PPIP5K2: variants seen among roughly 807,000 people sequenced by gnomAD.
PPIP5K2 encodes diphosphoinositol pentakisphosphate kinase 2.
Under a neutral mutation model 154.6 loss-of-function variants are expected in PPIP5K2, and 105 were observed. That is an observed-to-expected ratio of 0.68 (90% CI 0.58 to 0.80). The LOEUF (loss-of-function observed/expected upper bound fraction) is 0.80. PPIP5K2 is among the 30% of genes least tolerant of loss of function. PPIP5K2 has a pLI of 0.00. For synonymous variants in PPIP5K2, 480 were observed against 490.3 expected (o/e 0.98, Z 0.28); for missense variants, 992 against 1,504.6 (o/e 0.66, Z 5.64).
rs149010735 is a variant in PPIP5K2 at position 103,150,427 on chromosome 5, A to G, written c.907-826A>G. ...TTGGCCATTTTCTTCACCCAGATAAAGTAAATTTATTACAGGTGTTCACGA... is the reference window on the plus strand; with the variant it reads ...TTGGCCATTTTCTTCACCCAGATAAGGTAAATTTATTACAGGTGTTCACGA... On this transcript the variant is annotated intron_variant, in intron 8 of 30. Transcript: ENST00000358359. Among the ~76,000 whole-genome samples, 130 of 152,290 alleles carry G rather than the reference A, an allele frequency of 8.5e-4. 1 individual carries two copies. Among genetic ancestry groups the G allele is most frequent in the African/African-American group, 3.1e-3 (130 of 41,546 alleles).
intron 14 of PPIP5K2, among the ~76,000 whole-genome samples, chr5:103,156,724 C>T (rs1188076431): frequency 3.9e-5 from 6 of 152,120 alleles, no homozygotes; most frequent in African/African-American, 9.7e-5. Context: ...TGAAAAGTAA[C>T]TTGGCAATAT....
In PPIP5K2 at chr5:103,154,868, A is replaced by T. The variant is rs1163628245; in HGVS notation, c.1328A>T (p.Glu443Val). The T allele has an allele frequency of 3.7e-6, 6 of 1,605,242 alleles. No homozygotes were observed. The Middle Eastern group carries it at 5.1e-4, about 136-fold the overall frequency. ...GATATTGCACGACAGCTTCTTATGG[A>T]GCTAGGGCAAAATAATGATTCTGAA... ...VLDIARQLLM[E>V]LGQNNDSEIE... Residue 443 changes from glutamate to valine, a missense_variant, in exon 13 of 31, where the codon GAG (glutamate) becomes GTG (valine). By Grantham distance (121) the Glu-to-Val change is moderately radical. Around this residue, in one of 9 missense-constraint regions of PPIP5K2, gnomAD observed 163 missense variants for 285.2 expected, o/e 0.57. Transcript: ENST00000358359.
chr5:103,159,149 C>T lies in PPIP5K2; in HGVS notation c.1741C>T (p.Leu581Phe), dbSNP rs782061185. The change falls in exon 17 of 31, where the codon CTT becomes TTT. Residue 581 changes from leucine to phenylalanine, a missense_variant. Leu to Phe is a conservative substitution (Grantham distance 22). This residue lies in a region of PPIP5K2 where 22 missense variants were observed against 95.5 expected (regional missense o/e 0.23). Coordinates refer to ENST00000358359, the MANE Select transcript of PPIP5K2 (RefSeq NM_001276277.3). ...TTTCTTTATTTAATATGCTTAGGGG[C>T]TTTTAGCTTTGGAAGGAGAGCTTAC... ...QMTAAAFAKGLLALEGELTPI... is the reference protein window; with the variant it reads ...QMTAAAFAKGFLALEGELTPI... 6.4e-7 allele frequency: 1 copy of T among 1,564,820 alleles called. No individual in the cohort carries two copies. The highest frequency in any genetic ancestry group is 8.7e-7 in the Non-Finnish European group (1 of 1,153,616).
intron 30 of PPIP5K2, among the ~76,000 whole-genome samples, chr5:103,200,448 C>G (rs1467620802): frequency 3.3e-5 from 5 of 150,980 alleles, no homozygotes; most frequent in Non-Finnish European, 5.9e-5. Flanking sequence ...TAGTAACGGC[C>G]TGCTCTTGTT....
chr5:103,139,331 C>G (rs1450389932), intron 5 of PPIP5K2, among the ~76,000 whole-genome samples: 1 of 152,028 alleles, frequency 6.6e-6, no homozygotes, highest in African/African-American at 2.4e-5. Context: ...AGTGATTGTC[C>G]CACTCCCCAC....
chr5:103,146,295 G>A (rs1430214154), intron 5 of PPIP5K2, among the ~76,000 whole-genome samples: 2 of 151,988 alleles, frequency 1.3e-5, no homozygotes, highest in Non-Finnish European at 2.9e-5. Context: ...TGGTGTGGTA[G>A]TGTGAAATGG....
rs539406966 is a variant in PPIP5K2, at chr5:103,182,748, T to G, written c.2923-486T>G. ...ATATATCAGGGAGACAGATTTAGTT[T>G]TCTAAGTTATGTATATTGAAATCCC... is the stretch of plus-strand genomic sequence containing the variant. On this transcript the variant is annotated intron_variant, in intron 24 of 30. Transcript: ENST00000358359. Among the ~76,000 whole-genome samples, 8 of 152,316 alleles carry G rather than the reference T, an allele frequency of 5.3e-5. No homozygotes were observed. In the East Asian group the frequency reaches 1.4e-3, roughly 26 times the overall value.
rs371878271 is a variant in PPIP5K2, at chr5:103,154,889, C to T, written c.1349C>T (p.Ser450Phe). 6.2e-7 allele frequency: 1 copy of T among 1,605,718 alleles called. No homozygotes were observed. The highest frequency in any genetic ancestry group is 1.3e-5 in the African/African-American group (1 of 74,580). Residue 450 changes from serine (S) to phenylalanine (F), a missense_variant, in exon 13 of 31, where the codon TCT becomes TTT. This residue lies in a region of PPIP5K2 where 163 missense variants were observed against 285.2 expected (regional missense o/e 0.57). Coordinates refer to ENST00000358359, the MANE Select transcript of PPIP5K2 (RefSeq NM_001276277.3). ...LLMELGQNNDSEIEENKPKLE... is the reference protein window; with the variant it reads ...LLMELGQNNDFEIEENKPKLE... ...ATGGAGCTAGGGCAAAATAATGATT[C>T]TGAAATTGAAGAAAACAAGCCAAAA...
In PPIP5K2 at chr5:103,136,725, T is replaced by C; in HGVS notation, c.311-7T>C. On this transcript the variant is annotated splice_region_variant and splice_polypyrimidine_tract_variant and intron_variant, in intron 3 of 30. Coordinates refer to ENST00000358359, the MANE Select transcript of PPIP5K2 (RefSeq NM_001276277.3). ...ATACAGAATATGTTAATAATATGTG[T>C]TCTTAGGATTTCCACTGGACAAAGC... is the stretch of plus-strand genomic sequence containing the variant. 1 of 1,604,150 alleles carries C rather than the reference T, an allele frequency of 6.2e-7. No individual in the cohort carries two copies. The highest frequency in any genetic ancestry group is 8.5e-7 in the Non-Finnish European group (1 of 1,171,082).
intron 5 of PPIP5K2, among the ~76,000 whole-genome samples, chr5:103,139,877 T>C (rs144246254): frequency 7.6e-4 from 116 of 152,214 alleles, no homozygotes; most frequent in African/African-American, 2.6e-3. Flanking sequence ...AAAAATTCAG[T>C]TGACAAACTG....
At chr5:103,145,141 G>A (rs561496478) in intron 5 of PPIP5K2, among the ~76,000 whole-genome samples, 1 of 151,998 alleles carries the variant, frequency 6.6e-6, no homozygotes, top group Non-Finnish European at 1.5e-5. Flanking sequence ...ATGGCCAATA[G>A]GTATATGAAA....
Position 103,202,978 on chromosome 5 carries a change from G to A in PPIP5K2, c.*1344G>A, listed in dbSNP as rs947278773. 1 of 152,486 alleles carries A rather than the reference G, an allele frequency of 6.6e-6. No individual in the cohort carries two copies. 9.4% of individuals were successfully genotyped at this position (152,486 alleles called of 1,614,324 possible). A position where few individuals can be genotyped will look rare whatever the true frequency, so the allele number is the denominator to read the frequency against. On this transcript the variant is annotated 3_prime_UTR_variant, in exon 31 of 31. Coordinates refer to ENST00000358359, the MANE Select transcript of PPIP5K2 (RefSeq NM_001276277.3). The stretch of plus-strand genomic sequence containing the variant: ...CTTATAGGAAATAAGCATACTATAT[G>A]TTAGCTGTTTTAAAAGGTACCAGAT...
At chr5:103,151,134 A>C (rs894980944) in intron 8 of PPIP5K2, 119 bp from the exon 9 acceptor site, 34 of 729,934 alleles carry the variant, frequency 4.7e-5, no homozygotes, top group Non-Finnish European at 6.6e-5. Flanking sequence ...GAAGTAAACC[A>C]CTATATAGTA....
At chr5:103,191,446 T>G (rs1237356774) in intron 29 of PPIP5K2, among the ~76,000 whole-genome samples, 1 of 152,038 alleles carries the variant, frequency 6.6e-6, no homozygotes, top group South Asian at 2.1e-4. Context: ...ATTTTTCAAA[T>G]TGTGTATCTC....
Position 103,167,309 on chromosome 5 carries a change from C to A in PPIP5K2, c.2051C>A (p.Pro684His). Reference sequence around the variant, plus strand: ...CAAATCAGACATCGAATGGAAGATCCTAAATCATCAGGTAAATATGTTTTT... The same window carrying A: ...CAAATCAGACATCGAATGGAAGATCATAAATCATCAGGTAAATATGTTTTT... ...TSQIRHRMEDPKSSDIQLYHS... is the reference protein window; with the variant it reads ...TSQIRHRMEDHKSSDIQLYHS... Residue 684 changes from proline to histidine, a missense_variant, in exon 18 of 31, where the codon CCT (proline) becomes CAT (histidine). Pro to His is a moderately conservative substitution (Grantham distance 77, BLOSUM62 -2). This residue lies in a region of PPIP5K2 where 82 missense variants were observed against 91.8 expected (regional missense o/e 0.89). Transcript: ENST00000358359. 2 of 1,572,622 alleles carry A rather than the reference C, an allele frequency of 1.3e-6. No homozygotes were observed. Among genetic ancestry groups the A allele is most frequent in the South Asian group, 1.2e-5 (1 of 83,596 alleles).
intron 3 of PPIP5K2, among the ~76,000 whole-genome samples, chr5:103,135,443 C>T (rs555966731): frequency 6.6e-6 from 1 of 151,568 alleles, no homozygotes; most frequent in African/African-American, 2.4e-5. Context: ...TTTTTTTTTC[C>T]CCCTGGAGGA....
chr5:103,132,469 C>T (rs1285761538), intron 2 of PPIP5K2, among the ~76,000 whole-genome samples: 1 of 152,076 alleles, frequency 6.6e-6, no homozygotes, highest in African/African-American at 2.4e-5. Flanking sequence ...TTGCTTGAAC[C>T]CGGGAGGCGG....
chr5:103,152,702 C>A lies in PPIP5K2; in HGVS notation c.1083C>A (p.Pro361=), dbSNP rs782450681. The part of the protein sequence containing the change: ...APQFHIPWSI[P]LEAEDIPIVP... ...AATTTCATATTCCATGGTCAATACC[C>A]TTAGAAGCTGAAGATATCCCAATTG... The change falls in exon 10 of 31, where the codon CCC becomes CCA. Residue 361 remains proline (P), a synonymous_variant. Coordinates refer to ENST00000358359, the MANE Select transcript of PPIP5K2 (RefSeq NM_001276277.3). The A allele has an allele frequency of 6.3e-7, 1 of 1,596,318 alleles. No homozygotes were observed. Among genetic ancestry groups the A allele is most frequent in the Admixed American group, 1.7e-5 (1 of 59,870 alleles).
rs189197424 is a variant in PPIP5K2, at chr5:103,202,743, T to G, written c.*1109T>G. 1 of 152,114 alleles carries G rather than the reference T, an allele frequency of 6.6e-6. No individual in the cohort carries two copies. Among genetic ancestry groups the G allele is most frequent in the Non-Finnish European group, 1.5e-5 (1 of 67,996 alleles). 9.4% of individuals were successfully genotyped at this position (152,114 alleles called of 1,614,324 possible). On this transcript the variant is annotated 3_prime_UTR_variant, in exon 31 of 31. Transcript: ENST00000358359. ...TTCCCCCCCACCAATGCACAAATAA[T>G]TGTGAACAGCTTGAAATGACTTAAA...
Sources: allele counts gnomAD v4.1 joint callset (sites outside exome capture counted in the v4.1 genomes callset), GRCh38; gene constraint gnomAD v4.1.1; regional missense constraint gnomAD v4.1.1; transcripts MANE v1.5; gene names NCBI Gene and HGNC (gene_info 2026-07-23, HGNC 2026-07-21).